The following KCNQ5 variants were observed in gnomAD, a reference collection of about 807,000 sequenced individuals.
KCNQ5 encodes the protein potassium voltage-gated channel subfamily KQT member 5.
KCNQ5 carries 30 observed loss-of-function variants against 98.2 expected under a neutral mutation model. That is an observed-to-expected ratio of 0.31 (90% CI 0.23 to 0.41). The LOEUF (loss-of-function observed/expected upper bound fraction) is 0.41, where lower values mean the gene tolerates loss of function less well. KCNQ5 is among the 10% of genes least tolerant of loss of function. The probability of loss-of-function intolerance (pLI) is 1.00; values close to 1 mark genes in which losing one functional copy is unlikely to be tolerated. For missense variants in KCNQ5, 835 were observed against 1,182.5 expected (o/e 0.71, Z 4.31); for synonymous variants, 458 against 449.4 (o/e 1.02, Z -0.24).
intron 1 of KCNQ5, among the ~76,000 whole-genome samples, chr6:72,816,622 A>G (rs1775520343): frequency 6.6e-6 from 1 of 152,230 alleles, no homozygotes; most frequent in Admixed American, 6.5e-5. Context: ...TGAAATCCAC[A>G]TCATATATCT....
chr6:72,973,970 T>G (rs1458491372), intron 1 of KCNQ5, among the ~76,000 whole-genome samples: 1 of 152,238 alleles, frequency 6.6e-6, no homozygotes, highest in Non-Finnish European at 1.5e-5. Flanking sequence ...CAATAAGTTC[T>G]GACATAAAGG....
At chr6:72,733,060 A>T (rs539024934) in intron 1 of KCNQ5, among the ~76,000 whole-genome samples, 1 of 152,176 alleles carries the variant, frequency 6.6e-6, no homozygotes, top group Non-Finnish European at 1.5e-5. Context: ...TGGGGTTAAG[A>T]TGCTAGTTGG....
intron 5 of KCNQ5, among the ~76,000 whole-genome samples, chr6:73,083,373 T>C (rs551498368): frequency 6.6e-6 from 1 of 152,124 alleles, no homozygotes; most frequent in South Asian, 2.1e-4. Context: ...ATACTAAAAA[T>C]ACTTCAAAAT....
chr6:72,968,470 G>A (rs1283573094), intron 1 of KCNQ5, among the ~76,000 whole-genome samples: 1 of 151,932 alleles, frequency 6.6e-6, no homozygotes, highest in Non-Finnish European at 1.5e-5. Flanking sequence ...AACAGAACAT[G>A]TGATGAGGAG....
At chr6:72,910,745 G>T (rs1202843014) in intron 1 of KCNQ5, among the ~76,000 whole-genome samples, 59 of 151,998 alleles carry the variant, frequency 3.9e-4, no homozygotes. Flanking sequence ...ACATAAAGAA[G>T]AAACCGAAAG....
chr6:72,667,477 A>G (rs1766882167), intron 1 of KCNQ5, among the ~76,000 whole-genome samples: 1 of 151,688 alleles, frequency 6.6e-6, no homozygotes, highest in African/African-American at 2.4e-5. Context: ...TTATAGAAAT[A>G]GTTATTGATA....
intron 5 of KCNQ5, among the ~76,000 whole-genome samples, chr6:73,094,771 G>A (rs1462883305): frequency 6.6e-6 from 1 of 152,084 alleles, no homozygotes; most frequent in African/African-American, 2.4e-5. Context: ...TAGCTTATAG[G>A]GTTTCTGCTG....
rs1582374961 is a variant in KCNQ5, at chr6:72,830,945, G to T, written c.399-172963G>T. Among the ~76,000 whole-genome samples the T allele has an allele frequency of 2.0e-5, 3 of 152,132 alleles. No individual in the cohort carries two copies. The East Asian group carries it at 5.8e-4, about 29-fold the overall frequency. On this transcript the variant is annotated intron_variant, in intron 1 of 13. Coordinates refer to ENST00000370398, the MANE Select transcript of KCNQ5 (RefSeq NM_019842.4). Reference sequence around the variant, plus strand: ...AGATATGAACAGACATTTCTCAAAAGAAGACATTTATGCAGCCAACAGACA... The same window carrying T: ...AGATATGAACAGACATTTCTCAAAATAAGACATTTATGCAGCCAACAGACA...
intron 10 of KCNQ5, among the ~76,000 whole-genome samples, chr6:73,162,521 A>G (rs893022848): frequency 2.0e-5 from 3 of 152,126 alleles, no homozygotes; most frequent in African/African-American, 7.2e-5. Flanking sequence ...CCCATAACCT[A>G]CATCTCCCAA....
chr6:72,966,080 C>T (rs1405163487), intron 1 of KCNQ5, among the ~76,000 whole-genome samples: 1 of 152,014 alleles, frequency 6.6e-6, no homozygotes, highest in Non-Finnish European at 1.5e-5. Context: ...GTCCTGAAGC[C>T]AAATACAGAA....
At chr6:72,687,361 A>T (rs766599059) in intron 1 of KCNQ5, among the ~76,000 whole-genome samples, 1 of 152,220 alleles carries the variant, frequency 6.6e-6, no homozygotes, top group Non-Finnish European at 1.5e-5. Context: ...ATCATGACCT[A>T]TACTTCTATT....
At chr6:73,077,180 A>G in intron 3 of KCNQ5, 142 bp from the exon 4 acceptor site, 2 of 744,750 alleles carry the variant, frequency 2.7e-6, no homozygotes, top group East Asian at 5.3e-5. Context: ...ACAGAGGCCA[A>G]GTGGCACTAG....
At chr6:72,885,376 G>A (rs1198867379) in intron 1 of KCNQ5, among the ~76,000 whole-genome samples, 1 of 152,168 alleles carries the variant, frequency 6.6e-6, no homozygotes, top group African/African-American at 2.4e-5. Flanking sequence ...ACAAAAGAAT[G>A]TACTTTGGTA....
At chr6:72,629,505 A>T (rs946167622) in intron 1 of KCNQ5, among the ~76,000 whole-genome samples, 1 of 152,266 alleles carries the variant, frequency 6.6e-6, no homozygotes, top group Non-Finnish European at 1.5e-5. Flanking sequence ...ATGATAGCCT[A>T]AAAGGAAAGA....
intron 1 of KCNQ5, among the ~76,000 whole-genome samples, chr6:72,714,648 A>G (rs1561938198): frequency 6.6e-6 from 1 of 152,204 alleles, no homozygotes; most frequent in Non-Finnish European, 1.5e-5. Flanking sequence ...ATTGTTTGAT[A>G]GCTAAAGTGC....
intron 1 of KCNQ5, among the ~76,000 whole-genome samples, chr6:72,892,544 C>G (rs1242362895): frequency 6.6e-6 from 1 of 152,088 alleles, no homozygotes; most frequent in Non-Finnish European, 1.5e-5. Flanking sequence ...TGTATCAAAC[C>G]CTAATGTGCT....
intron 1 of KCNQ5, among the ~76,000 whole-genome samples, chr6:72,749,554 G>A (rs1047973867): frequency 1.3e-5 from 2 of 152,020 alleles, no homozygotes; most frequent in Non-Finnish European, 2.9e-5. Flanking sequence ...AGTAGCCAAA[G>A]GGAAGGATTT....
At chr6:73,010,221 T>C (rs1226439128) in intron 2 of KCNQ5, among the ~76,000 whole-genome samples, 1 of 152,122 alleles carries the variant, frequency 6.6e-6, no homozygotes, top group Non-Finnish European at 1.5e-5. Context: ...ATCAGTGTTA[T>C]AGGCCACATT....
chr6:72,659,190 T>C (rs1167686257), intron 1 of KCNQ5, among the ~76,000 whole-genome samples: 4 of 152,196 alleles, frequency 2.6e-5, no homozygotes, highest in African/African-American at 9.7e-5. Flanking sequence ...CACCCATATC[T>C]CTCCTCTTGT....
Sources: gnomAD v4.1 joint callset for allele counts (sites outside exome capture counted in the v4.1 genomes callset) on GRCh38, gnomAD v4.1.1 for gene constraint, MANE v1.5 for transcripts, NCBI Gene and HGNC (gene_info 2026-07-23, HGNC 2026-07-21) for gene names.